Variants in ATAD2B observed in about 807,000 individuals in gnomAD.
The protein encoded by ATAD2B is ATPase family AAA domain-containing protein 2B.
In ATAD2B, 40 loss-of-function variants were observed where a neutral mutation model predicts 167.6. The ratio of observed to expected loss-of-function variants is 0.24; its 90% confidence interval spans 0.19 to 0.31. The LOEUF is 0.31. Ranked by LOEUF, ATAD2B falls within the 10% of genes least tolerant of loss-of-function variation. The probability of loss-of-function intolerance (pLI) is 1.00; values close to 1 mark genes in which losing one functional copy is unlikely to be tolerated. For missense variants in ATAD2B, 1,242 were observed against 1,757.2 expected (o/e 0.71, Z 5.24); for synonymous variants, 579 against 596.5 (o/e 0.97, Z 0.43).
chr2:23,779,040 C>T (rs1360641100), intron 22 of ATAD2B, among the ~76,000 whole-genome samples: 5 of 152,152 alleles, frequency 3.3e-5, no homozygotes, highest in Non-Finnish European at 7.3e-5. Context: ...ATGGGGCCGA[C>T]ATCCAGCCCA....
At chr2:23,917,197 AG>A (rs990117766) in intron 1 of ATAD2B, among the ~76,000 whole-genome samples, 1 of 152,248 alleles carries the variant, frequency 6.6e-6, no homozygotes, top group Non-Finnish European at 1.5e-5. Context: ...GAACGAACAA[AG>A]GAACAAGCAA....
chr2:23,893,725 G>A (rs1699838718), intron 2 of ATAD2B, among the ~76,000 whole-genome samples: 2 of 147,878 alleles, frequency 1.4e-5, no homozygotes, highest in Admixed American at 1.4e-4. Context: ...GATGGAGTGC[G>A]ATGGCGTGAT....
chr2:23,807,799 G>C (rs7579450), intron 18 of ATAD2B, among the ~76,000 whole-genome samples: 40,551 of 122,796 alleles, frequency 0.33, 6,220 homozygotes, highest in African/African-American at 0.42. Context: ...CTGGGCAACA[G>C]AGCGTGACTC....
intron 6 of ATAD2B, among the ~76,000 whole-genome samples, 192 bp from the exon 7 acceptor site, chr2:23,880,947 C>A (rs1271019087): frequency 1.3e-5 from 2 of 152,034 alleles, no homozygotes. Flanking sequence ...AAATACTTTC[C>A]CTGCCAATGA....
At chr2:23,866,501 G>A in intron 10 of ATAD2B, among the ~76,000 whole-genome samples, 1 of 152,066 alleles carries the variant, frequency 6.6e-6, no homozygotes, top group Middle Eastern at 3.4e-3. Flanking sequence ...GAAAATAAAT[G>A]AAAGGAAAAT....
At chr2:23,891,642 C>T (rs769926333) in intron 2 of ATAD2B, among the ~76,000 whole-genome samples, 29 of 151,782 alleles carry the variant, frequency 1.9e-4, no homozygotes, top group Non-Finnish European at 3.7e-4. Context: ...GCGTGCACCA[C>T]CACACCTGGC....
At chr2:23,909,261 G>A (rs1371394611) in intron 1 of ATAD2B, among the ~76,000 whole-genome samples, 2 of 151,834 alleles carry the variant, frequency 1.3e-5, no homozygotes, top group East Asian at 3.9e-4. Flanking sequence ...CATTTTGGGA[G>A]ACCCAAAGCA....
intron 19 of ATAD2B, among the ~76,000 whole-genome samples, chr2:23,792,967 A>AAC (rs1397496649): frequency 6.7e-6 from 1 of 148,796 alleles, no homozygotes; most frequent in African/African-American, 2.4e-5. Context: ...TGTCTCAAAA[A>AAC]AAAAAAAAAA....
At chr2:23,793,847 T>C (rs1057319495) in intron 19 of ATAD2B, among the ~76,000 whole-genome samples, 2 of 152,230 alleles carry the variant, frequency 1.3e-5, no homozygotes, top group Non-Finnish European at 2.9e-5. Flanking sequence ...AAAGCTTTTA[T>C]GTATGTGAGC....
chr2:23,744,285 T>C (rs1380929857), downstream of ATAD2B, among the ~76,000 whole-genome samples: 1 of 151,116 alleles, frequency 6.6e-6, no homozygotes, highest in Non-Finnish European at 1.5e-5. Context: ...TGGGAGAATT[T>C]TTTTTTTTTT....
At chr2:23,883,638 G>A (rs1440627631) in intron 6 of ATAD2B, 3 of 1,287,154 alleles carry the variant, frequency 2.3e-6, no homozygotes, top group East Asian at 5.6e-5. Context: ...GGTTCTAGCT[G>A]TAACAACAAT....
At chr2:23,691,803 C>T in the ATAD2B span, 564 of 1,551,650 alleles carry the variant, frequency 3.6e-4, 1 homozygote, top group African/African-American at 5.4e-3. Context: ...ACTCGGCCAA[C>T]GCCAAGACAC....
the ATAD2B span, among the ~76,000 whole-genome samples, chr2:23,711,342 C>CTTTTTTTTTTTTT: frequency 1.4e-4 from 11 of 79,784 alleles, 1 homozygote; most frequent in Admixed American, 1.5e-4. Flanking sequence ...GAATTTCTTT[C>CTTTTTTTTTTTTT]TTTTTTTTTT....
intron 8 of ATAD2B, chr2:23,873,115 T>C (rs1254876514): frequency 2.4e-6 from 1 of 411,038 alleles, no homozygotes; most frequent in Non-Finnish European, 4.6e-6. Flanking sequence ...AATTTTGATA[T>C]TTATCCTCTC....
At chr2:23,866,759 T>C (rs922776484) in intron 10 of ATAD2B, among the ~76,000 whole-genome samples, 4 of 152,206 alleles carry the variant, frequency 2.6e-5, no homozygotes, top group Non-Finnish European at 5.9e-5. Flanking sequence ...TTCAAGTATA[T>C]ATGCAATTCT....
rs114884746 is a variant in ATAD2B at position 23,821,434 on chromosome 2, T to C, written c.2132-1552A>G. ...AATACACAAATCATGGCATCGTGCCTGGCTCACAGATATTCAGTAAAATAT... is the reference window on the plus strand; with the variant it reads ...AATACACAAATCATGGCATCGTGCCCGGCTCACAGATATTCAGTAAAATAT... On this transcript the variant is annotated intron_variant, in intron 16 of 27. Coordinates refer to ENST00000238789, the MANE Select transcript of ATAD2B (RefSeq NM_017552.4). Among the ~76,000 whole-genome samples, 604 of 152,350 alleles carry C rather than the reference T, an allele frequency of 4.0e-3. 2 individuals carry two copies. The highest frequency in any genetic ancestry group is 6.5e-3 in the Non-Finnish European group (440 of 68,026).
At chr2:23,733,988 G>A in the ATAD2B span, among the ~76,000 whole-genome samples, 1 of 152,038 alleles carries the variant, frequency 6.6e-6, no homozygotes, top group Non-Finnish European at 1.5e-5. Flanking sequence ...CCCCTGCCTG[G>A]GGTGTTCTTC....
At chr2:23,848,286 T>A (rs1325946658) in intron 13 of ATAD2B, among the ~76,000 whole-genome samples, 1 of 151,942 alleles carries the variant, frequency 6.6e-6, no homozygotes, top group African/African-American at 2.4e-5. Context: ...GCGGATCACT[T>A]GCAGTCAGGA....
chr2:23,757,006 A>G lies in ATAD2B; in HGVS notation c.4078+412T>C, dbSNP rs145344411. 1.1e-4 allele frequency among the ~76,000 whole-genome samples: 17 copies of G among 152,308 alleles called. 1 individual carries two copies. The highest frequency in any genetic ancestry group is 3.8e-4 in the African/African-American group (16 of 41,560). On this transcript the variant is annotated intron_variant, in intron 25 of 27. Transcript: ENST00000238789. The stretch of plus-strand genomic sequence containing the variant: ...CTAGGTCTATATTACTCTTCCGAAT[A>G]TATCATACTGCTATTATCACTAAGT...
Sources: allele counts gnomAD v4.1 joint callset (sites outside exome capture counted in the v4.1 genomes callset), GRCh38; gene constraint gnomAD v4.1.1; transcripts MANE v1.5; gene names NCBI Gene and HGNC (gene_info 2026-07-23, HGNC 2026-07-21).